DLGAP4: variants seen among roughly 807,000 people sequenced by gnomAD.
DLGAP4 encodes DLG associated protein 4.
DLGAP4 carries 18 observed loss-of-function variants against 86.9 expected under a neutral mutation model. That is an observed-to-expected ratio of 0.21 (90% CI 0.14 to 0.31). The LOEUF (loss-of-function observed/expected upper bound fraction) is 0.31. DLGAP4 is among the 10% of genes least tolerant of loss of function. The pLI is 1.00. For synonymous variants in DLGAP4, 548 were observed against 574.3 expected, an observed-to-expected ratio of 0.95 and a Z score of 0.65; for missense variants, 1,085 against 1,362.6, an observed-to-expected ratio of 0.80 and a Z score of 3.21.
intron 2 of DLGAP4, among the ~76,000 whole-genome samples, chr20:36,385,070 G>A (rs1263381774): frequency 6.6e-6 from 1 of 152,130 alleles, no homozygotes; most frequent in East Asian, 1.9e-4. Flanking sequence ...CCTGCTGGGG[G>A]CATGCTAAGT....
At chr20:36,511,406 G>T (rs913760984) in intron 10 of DLGAP4, among the ~76,000 whole-genome samples, 2 of 151,972 alleles carry the variant, frequency 1.3e-5, no homozygotes, top group African/African-American at 4.8e-5. Flanking sequence ...GTCTCACTAT[G>T]TTGTCCAGGC....
chr20:36,515,018 A>C (rs562207939), intron 10 of DLGAP4, among the ~76,000 whole-genome samples: 1 of 152,256 alleles, frequency 6.6e-6, no homozygotes, highest in South Asian at 2.1e-4. Flanking sequence ...ACTGGCATCC[A>C]GGAGAGAGGA....
At chr20:36,464,025 T>C (rs2034225715) in intron 7 of DLGAP4, among the ~76,000 whole-genome samples, 1 of 152,212 alleles carries the variant, frequency 6.6e-6, no homozygotes, top group Admixed American at 6.5e-5. Context: ...TGGTGTATAA[T>C]GACAATCTCT....
intron 10 of DLGAP4, among the ~76,000 whole-genome samples, chr20:36,507,103 G>A (rs1242159488): frequency 1.3e-5 from 2 of 152,124 alleles, no homozygotes; most frequent in Non-Finnish European, 2.9e-5. Flanking sequence ...TGGCCGTTGT[G>A]AATAATGTTT....
intron 1 of DLGAP4, among the ~76,000 whole-genome samples, chr20:36,358,535 A>G (rs1026775387): frequency 2.0e-5 from 3 of 152,184 alleles, no homozygotes; most frequent in Non-Finnish European, 4.4e-5. Flanking sequence ...GGCTGGGCGC[A>G]GTGGCTCACG....
intron 2 of DLGAP4, among the ~76,000 whole-genome samples, chr20:36,415,838 C>T (rs1219524016): frequency 6.6e-6 from 1 of 152,042 alleles, no homozygotes; most frequent in Non-Finnish European, 1.5e-5. Flanking sequence ...AGTGGTGGTC[C>T]CCAGGTGAGG....
At chr20:36,484,213 T>C (rs1357741026) in intron 7 of DLGAP4, among the ~76,000 whole-genome samples, 1 of 150,344 alleles carries the variant, frequency 6.7e-6, no homozygotes, top group Non-Finnish European at 1.5e-5. Flanking sequence ...GCCGATATAG[T>C]TAAAGTGCTT....
intron 7 of DLGAP4, among the ~76,000 whole-genome samples, chr20:36,495,310 T>C (rs2035843111): frequency 6.6e-6 from 1 of 152,248 alleles, no homozygotes; most frequent in African/African-American, 2.4e-5. Context: ...GGATGGTTTC[T>C]ACAGTCCTTT....
chr20:36,486,255 G>C (rs2035406470), intron 7 of DLGAP4, among the ~76,000 whole-genome samples: 1 of 152,138 alleles, frequency 6.6e-6, no homozygotes, highest in Non-Finnish European at 1.5e-5. Flanking sequence ...TCCCTATCTG[G>C]TAGAGGAGAG....
At position 36,461,407 on chromosome 20, in the gene DLGAP4, C is replaced by T. The variant is rs1450993703; in HGVS notation, c.1648+14470C>T. ...CCTGACGACGCGCGCGCGGCTGACGCGGGGGGCGGGGAGGGGCGGGGCAGG... is the reference window on the plus strand; with the variant it reads ...CCTGACGACGCGCGCGCGGCTGACGTGGGGGGCGGGGAGGGGCGGGGCAGG... On this transcript the variant is annotated intron_variant, in intron 7 of 12. Transcript: ENST00000339266. 7 of 961,058 alleles carry T rather than the reference C, an allele frequency of 7.3e-6. No individual in the cohort carries two copies. In the African/African-American group the frequency reaches 1.3e-4, roughly 17 times the overall value. 59.5% of individuals were successfully genotyped at this position (961,058 alleles called of 1,614,324 possible). A position where few individuals can be genotyped will look rare whatever the true frequency, so the allele number is the denominator to read the frequency against.
At chr20:36,385,808 T>C (rs1173927715) in intron 2 of DLGAP4, among the ~76,000 whole-genome samples, 2 of 152,226 alleles carry the variant, frequency 1.3e-5, no homozygotes, top group African/African-American at 2.4e-5. Flanking sequence ...TTATGGTGGC[T>C]GCCCTTCGCA....
At chr20:36,439,927 A>C in intron 5 of DLGAP4, 59 bp downstream of exon 5, 3 of 1,438,464 alleles carry the variant, frequency 2.1e-6, no homozygotes, top group Non-Finnish European at 2.9e-6. Flanking sequence ...CCCATCTGGG[A>C]GGAGGACACA....
At chr20:36,416,853 C>T (rs1359941354) in intron 2 of DLGAP4, among the ~76,000 whole-genome samples, 1 of 152,078 alleles carries the variant, frequency 6.6e-6, no homozygotes, top group Non-Finnish European at 1.5e-5. Context: ...CCATCAACTC[C>T]CTTCTCTCCC....
chr20:36,346,447 C>T (rs1342309687), intron 1 of DLGAP4, among the ~76,000 whole-genome samples: 1 of 152,244 alleles, frequency 6.6e-6, no homozygotes, highest in Non-Finnish European at 1.5e-5. Flanking sequence ...CGGTGGGTTT[C>T]AGCCAGGCCT....
chr20:36,432,111 C>T lies in DLGAP4; in HGVS notation c.394C>T (p.Arg132Cys), dbSNP rs753070105. ...LQFPRGEAKA[R>C]GESPGRIRHL... ...ATTTCCCCGTGGCGAGGCCAAGGCCCGTGGTGAGAGCCCTGGCCGCATCCG... is the reference window on the plus strand; with the variant it reads ...ATTTCCCCGTGGCGAGGCCAAGGCCTGTGGTGAGAGCCCTGGCCGCATCCG... The change falls in exon 3 of 13, where the codon CGT becomes TGT. Residue 132 changes from arginine to cysteine, a missense_variant. By Grantham distance (180) the Arg-to-Cys change is radical (BLOSUM62 -3). This residue lies in a region of DLGAP4 where 1,082 missense variants were observed against 1,344.1 expected (regional missense o/e 0.81). Transcript: ENST00000339266. This position sits in a 1 kb window ranked among gnomAD's most constrained non-coding sequence, Gnocchi z 6.5. 5.6e-6 allele frequency: 9 copies of T among 1,614,200 alleles called. No homozygotes were observed. Among genetic ancestry groups the T allele is most frequent in the Middle Eastern group, 3.3e-4 (2 of 6,062 alleles).
chr20:36,398,630 T>C lies in DLGAP4; in HGVS notation c.-73+31355T>C, dbSNP rs1369065434. On this transcript the variant is annotated intron_variant, in intron 2 of 12. Coordinates refer to ENST00000339266, the MANE Select transcript of DLGAP4 (RefSeq NM_001365621.2). ...TAGGCACTATGCTGAATGTTCTATGTGATTGCCTCGTTTAACCCCCTTTAA... is the reference window on the plus strand; with the variant it reads ...TAGGCACTATGCTGAATGTTCTATGCGATTGCCTCGTTTAACCCCCTTTAA... Among the ~76,000 whole-genome samples the C allele has an allele frequency of 2.6e-5, 4 of 152,242 alleles. No homozygotes were observed. The East Asian group carries it at 7.7e-4, about 29-fold the overall frequency.
intron 7 of DLGAP4, among the ~76,000 whole-genome samples, chr20:36,450,403 C>T (rs772939163): frequency 1.3e-5 from 2 of 152,052 alleles, no homozygotes; most frequent in East Asian, 3.9e-4. Context: ...GAGGCTGAGG[C>T]AGGAGAATCG....
At chr20:36,328,892 C>T (rs1245955044) in intron 1 of DLGAP4, among the ~76,000 whole-genome samples, 1 of 152,094 alleles carries the variant, frequency 6.6e-6, no homozygotes, top group African/African-American at 2.4e-5. Context: ...TCTTCTGCCT[C>T]AGCCTCCTGA....
rs1340882402 is a variant in DLGAP4, at chr20:36,467,054, CTCTCTCTCT to C, written c.1648+20118_1648+20126del. Among the ~76,000 whole-genome samples the C allele has an allele frequency of 5.4e-3, 716 of 133,140 alleles. 12 individuals carry two copies. The highest frequency in any genetic ancestry group is 0.017 in the African/African-American group (484 of 28,306). 87.3% of individuals were successfully genotyped at this position (133,140 alleles called of 152,430 possible). ...TCTCTCTCTCTCTCTCTCTCTCTCT[CTCTCTCTCT>C]CCCCCCCCCTTCTCTCGGCCCTGCC... On this transcript the variant is annotated intron_variant, in intron 7 of 12. Transcript: ENST00000339266.
Sources: gnomAD v4.1 joint callset for allele counts (sites outside exome capture counted in the v4.1 genomes callset) on GRCh38, gnomAD v4.1.1 for gene constraint, gnomAD v4.1.1 regional missense constraint, Gnocchi (gnomAD v3.1) non-coding constraint, MANE v1.5 for transcripts, NCBI Gene and HGNC (gene_info 2026-07-23, HGNC 2026-07-21) for gene names.